Variants in COBL observed in about 807,000 individuals in gnomAD.
The protein encoded by COBL is cordon-bleu WH2 repeat protein.
COBL carries 51 observed loss-of-function variants against 98.8 expected under a neutral mutation model. The observed-to-expected ratio is 0.52, with a 90% CI of 0.41 to 0.65. COBL has a LOEUF of 0.65. Among genes scored for constraint, COBL ranks in the 30% least tolerant of loss-of-function variants. The pLI is 0.00. For synonymous variants in COBL, 634 were observed against 651.7 expected (o/e 0.97, Z 0.41); for missense variants, 1,617 against 1,617.5 (o/e 1.00, Z 0.01).
chr7:51,300,452 T>C (rs1253147707), intron 1 of COBL, among the ~76,000 whole-genome samples: 1 of 152,160 alleles, frequency 6.6e-6, no homozygotes, highest in Non-Finnish European at 1.5e-5. Context: ...TGAGCCACCA[T>C]ACCTGGCCGA....
intron 5 of COBL, among the ~76,000 whole-genome samples, chr7:51,153,721 G>A (rs1204075414): frequency 1.3e-5 from 2 of 152,230 alleles, no homozygotes; most frequent in Non-Finnish European, 2.9e-5. Context: ...GCTGTGGTAA[G>A]GAGGCCGCAG....
chr7:51,248,012 G>A (rs780074092), intron 1 of COBL, among the ~76,000 whole-genome samples: 22 of 151,852 alleles, frequency 1.4e-4, no homozygotes, highest in Non-Finnish European at 2.6e-4. Context: ...GGTGGTGCAC[G>A]CCTATAATCC....
At chr7:51,243,578 G>A (rs1417350633) in intron 1 of COBL, among the ~76,000 whole-genome samples, 1 of 151,784 alleles carries the variant, frequency 6.6e-6, no homozygotes, top group Non-Finnish European at 1.5e-5. Flanking sequence ...CCCTCAGCAG[G>A]AAAAAGGAGG....
intron 6 of COBL, among the ~76,000 whole-genome samples, chr7:51,093,209 G>T (rs1794973697): frequency 1.3e-5 from 2 of 152,000 alleles, no homozygotes; most frequent in Non-Finnish European, 2.9e-5. Flanking sequence ...TTAAAAAGTG[G>T]GCAAAGAATG....
intron 7 of COBL, among the ~76,000 whole-genome samples, chr7:51,067,105 T>C (rs1000265440): frequency 4.6e-5 from 7 of 152,100 alleles, no homozygotes; most frequent in Non-Finnish European, 7.4e-5. Flanking sequence ...CTCAGAGATA[T>C]ATTGTGTGTG....
chr7:51,122,776 C>T (rs989972287), intron 6 of COBL, among the ~76,000 whole-genome samples: 1 of 152,084 alleles, frequency 6.6e-6, no homozygotes, highest in Non-Finnish European at 1.5e-5. Flanking sequence ...GTCAGGAGTT[C>T]GAGACCAGCC....
At chr7:51,037,803 G>A (rs140733820) in intron 8 of COBL, among the ~76,000 whole-genome samples, 2 of 152,296 alleles carry the variant, frequency 1.3e-5, no homozygotes, top group East Asian at 1.9e-4. Context: ...CACATGACTG[G>A]ATGAAAACAT....
intron 7 of COBL, among the ~76,000 whole-genome samples, chr7:51,049,602 C>T (rs1359186175): frequency 1.3e-5 from 2 of 152,160 alleles, no homozygotes; most frequent in Non-Finnish European, 1.5e-5. Flanking sequence ...CACAGGAATA[C>T]AGAAGTGGGG....
chr7:51,123,230 A>G (rs1252179527), intron 6 of COBL, among the ~76,000 whole-genome samples: 4 of 152,218 alleles, frequency 2.6e-5, no homozygotes, highest in Admixed American at 6.5e-5. Context: ...ATATATTTAC[A>G]ATGTATTTGG....
At chr7:51,279,467 T>C (rs754692894) in intron 1 of COBL, among the ~76,000 whole-genome samples, 2 of 152,242 alleles carry the variant, frequency 1.3e-5, no homozygotes, top group African/African-American at 4.8e-5. Context: ...TTTTCTAAAA[T>C]AGACTTTTTT....
At chr7:51,237,246 G>A (rs1418398743) in intron 1 of COBL, among the ~76,000 whole-genome samples, 1 of 151,938 alleles carries the variant, frequency 6.6e-6, no homozygotes, top group Non-Finnish European at 1.5e-5. Context: ...TAACTCACAA[G>A]AGCTGAAAGT....
chr7:51,291,008 C>T (rs1410702580), intron 1 of COBL, among the ~76,000 whole-genome samples: 2 of 152,192 alleles, frequency 1.3e-5, no homozygotes, highest in South Asian at 2.1e-4. Context: ...TTGCACAGTG[C>T]CCATTCCTGC....
At position 51,122,003 on chromosome 7, in the gene COBL, C is replaced by T. The variant is rs115792601; in HGVS notation, c.957+14155G>A. Among the ~76,000 whole-genome samples the T allele has an allele frequency of 7.2e-3, 1,095 of 152,294 alleles. 13 individuals carry two copies. Among genetic ancestry groups the T allele is most frequent in the African/African-American group, 0.026 (1,063 of 41,562 alleles). ...ATATTTGAACAGCATAACTCTCTAACACAAAGCCAGCTTCCCACTTCCTCC... is the reference window on the plus strand; with the variant it reads ...ATATTTGAACAGCATAACTCTCTAATACAAAGCCAGCTTCCCACTTCCTCC... On this transcript the variant is annotated intron_variant, in intron 6 of 12. Coordinates refer to ENST00000265136, the MANE Select transcript of COBL (RefSeq NM_015198.5).
At chr7:51,289,802 A>G (rs928727717) in intron 1 of COBL, among the ~76,000 whole-genome samples, 1 of 152,254 alleles carries the variant, frequency 6.6e-6, no homozygotes, top group Admixed American at 6.5e-5. Context: ...CCTACTTTCA[A>G]TAATGAGAAC....
chr7:51,281,648 A>T (rs1009104548), intron 1 of COBL, among the ~76,000 whole-genome samples: 2 of 32,790 alleles, frequency 6.1e-5, no homozygotes, highest in South Asian at 1.1e-3. Context: ...TACTGAGATA[A>T]AAAAAAAAAA....
intron 2 of COBL, among the ~76,000 whole-genome samples, chr7:51,197,374 G>A (rs1790688834): frequency 6.6e-6 from 1 of 151,982 alleles, no homozygotes; most frequent in Non-Finnish European, 1.5e-5. Context: ...GATTCTCTGT[G>A]GTCTGAGAGA....
chr7:51,145,409 T>A (rs1784931758), intron 5 of COBL, among the ~76,000 whole-genome samples: 1 of 150,116 alleles, frequency 6.7e-6, no homozygotes, highest in African/African-American at 2.5e-5. Flanking sequence ...AGATGGAGTG[T>A]CACTCCTGTC....
intron 1 of COBL, among the ~76,000 whole-genome samples, chr7:51,257,319 C>T (rs1372836285): frequency 6.6e-6 from 1 of 152,206 alleles, no homozygotes; most frequent in Non-Finnish European, 1.5e-5. Context: ...CAAGACTCCA[C>T]TCAGTAGAAG....
intron 8 of COBL, among the ~76,000 whole-genome samples, chr7:51,038,576 G>T (rs1420218408): frequency 4.6e-5 from 7 of 152,202 alleles, no homozygotes; most frequent in Non-Finnish European, 5.9e-5. Context: ...ACACACTTGG[G>T]TCTTTCCAGG....
Sources: allele counts gnomAD v4.1 joint callset (sites outside exome capture counted in the v4.1 genomes callset), GRCh38; gene constraint gnomAD v4.1.1; transcripts MANE v1.5; gene names NCBI Gene and HGNC (gene_info 2026-07-23, HGNC 2026-07-21).